The following IST1 variants were observed in gnomAD, a reference collection of about 807,000 sequenced individuals.
IST1 encodes the protein IST1 homolog.
Under a neutral mutation model 37.0 loss-of-function variants are expected in IST1, and 23 were observed. The ratio of observed to expected loss-of-function variants is 0.62; its 90% CI spans 0.45 to 0.88. The LOEUF (loss-of-function observed/expected upper bound fraction) is 0.88. Ranked by LOEUF, IST1 falls within the 40% of genes least tolerant of loss-of-function variation. IST1 has a pLI of 0.00. For missense variants in IST1, 488 were observed against 445.4 expected (o/e 1.10, Z -0.86); for synonymous variants, 180 against 161.7 (o/e 1.11, Z -0.86).
chr16:71,900,260 T>C (rs2037075380), intron 1 of IST1, among the ~76,000 whole-genome samples: 1 of 151,430 alleles, frequency 6.6e-6, no homozygotes, highest in Non-Finnish European at 1.5e-5. Context: ...AGTCTTGACC[T>C]TGCTCTCTCC....
chr16:71,894,913 G>T, upstream of IST1: 5 of 1,234,002 alleles, frequency 4.1e-6, no homozygotes, highest in Non-Finnish European at 5.7e-6. Flanking sequence ...GAAATCGCCA[G>T]AGACTGTGGT....
intron 7 of IST1, 110 bp from the exon 8 acceptor site, chr16:71,923,178 T>C: frequency 1.8e-6 from 1 of 553,156 alleles, no homozygotes; most frequent in Non-Finnish European, 3.2e-6. Context: ...AATATTTATA[T>C]ATATTTAGTA....
At chr16:71,912,656 T>G (rs1443308706) in intron 1 of IST1, among the ~76,000 whole-genome samples, 1 of 152,236 alleles carries the variant, frequency 6.6e-6, no homozygotes, top group Non-Finnish European at 1.5e-5. Context: ...TGCCTGTTTC[T>G]AAGTGTAGAG....
intron 4 of IST1, among the ~76,000 whole-genome samples, chr16:71,920,318 C>T (rs1326694788): frequency 2.6e-5 from 4 of 152,116 alleles, no homozygotes; most frequent in East Asian, 1.9e-4. Context: ...ACATAGGATA[C>T]GGCTTAACAA....
chr16:71,915,150 T>C (rs1349336557), intron 1 of IST1, among the ~76,000 whole-genome samples: 1 of 152,116 alleles, frequency 6.6e-6, no homozygotes, highest in Non-Finnish European at 1.5e-5. Flanking sequence ...AAGATGAAAA[T>C]ATTTTCAATT....
At chr16:71,926,825 A>G (rs2037755909) in intron 9 of IST1, among the ~76,000 whole-genome samples, 1 of 152,126 alleles carries the variant, frequency 6.6e-6, no homozygotes. Context: ...AAGGAAACAT[A>G]CAGTAGATGT....
Position 71,923,399 on chromosome 16 carries a change from T to C in IST1, c.852+19T>C. The C allele has an allele frequency of 6.7e-7, 1 of 1,487,072 alleles. No homozygotes were observed. 92.1% of individuals were successfully genotyped at this position (1,487,072 alleles called of 1,614,324 possible). ...TGAATCTGTAAGTGCCTGAGCCTCT[T>C]TTATAAGCAACAGGAGAGTGAATGC... is the stretch of plus-strand genomic sequence containing the variant. On this transcript the variant is annotated intron_variant, in intron 8 of 9. Transcript: ENST00000378799.
chr16:71,900,327 C>CTTTTTTTTTTT (rs201344260), intron 1 of IST1, among the ~76,000 whole-genome samples: 11 of 100,508 alleles, frequency 1.1e-4, no homozygotes, highest in Middle Eastern at 5.6e-3. Context: ...CTTAGGAAGT[C>CTTTTTTTTTTT]TTTTTTTTTT....
In IST1 at chr16:71,929,742, A is replaced by G; in HGVS notation, c.*1929A>G. ...GAAATTACTGCTAATAGTGGAGTAA[A>G]AAAAGTACCAAAGATTTTTAAAAAA... On this transcript the variant is annotated 3_prime_UTR_variant, in exon 10 of 10. Coordinates refer to ENST00000378799, the MANE Select transcript of IST1 (RefSeq NM_001270975.2). 1.2e-5 allele frequency: 17 copies of G among 1,374,122 alleles called. No homozygotes were observed. The highest frequency in any genetic ancestry group is 1.5e-5 in the African/African-American group (1 of 67,698). The allele number at this position is 1,374,122 out of a possible 1,614,324, so 85.1% of individuals were successfully genotyped here. A position where few individuals can be genotyped will look rare whatever the true frequency, so the allele number is the denominator to read the frequency against.
At chr16:71,915,176 A>G (rs1333466109) in intron 1 of IST1, among the ~76,000 whole-genome samples, 1 of 152,142 alleles carries the variant, frequency 6.6e-6, no homozygotes, top group Non-Finnish European at 1.5e-5. Flanking sequence ...TCTAAATTTA[A>G]TCATCTTCCC....
At chr16:71,895,672 T>A (rs1048734768) in intron 1 of IST1, 83 bp downstream of exon 1, 7 of 513,868 alleles carry the variant, frequency 1.4e-5, no homozygotes, top group Non-Finnish European at 1.8e-5. Context: ...TAGTTAGCGC[T>A]AGGGCCCGGG....
intron 4 of IST1, among the ~76,000 whole-genome samples, chr16:71,920,118 A>T (rs2037547188): frequency 6.6e-6 from 1 of 152,226 alleles, no homozygotes; most frequent in Admixed American, 6.5e-5. Flanking sequence ...AAAGTTTTTA[A>T]AATAGATATA....
At chr16:71,901,212 G>C (rs1425360192) in intron 1 of IST1, among the ~76,000 whole-genome samples, 3 of 151,874 alleles carry the variant, frequency 2.0e-5, no homozygotes, top group African/African-American at 4.8e-5. Flanking sequence ...TCAGTCTTTT[G>C]GTTTTTTTTC....
chr16:71,902,522 G>A (rs373679059), intron 1 of IST1, among the ~76,000 whole-genome samples: 1 of 152,116 alleles, frequency 6.6e-6, no homozygotes, highest in African/African-American at 2.4e-5. Context: ...TGCCCGCCTC[G>A]GCTTCCCAAA....
intron 1 of IST1, among the ~76,000 whole-genome samples, chr16:71,911,056 A>T (rs1478316465): frequency 6.6e-6 from 1 of 152,124 alleles, no homozygotes; most frequent in Non-Finnish European, 1.5e-5. Context: ...CGTGTCCAAC[A>T]TGGTGAAACC....
At position 71,922,687 on chromosome 16, in the gene IST1, A is replaced by C; in HGVS notation, c.759+7A>C. 1 of 776,986 alleles carries C rather than the reference A, an allele frequency of 1.3e-6. No homozygotes were observed. The highest frequency in any genetic ancestry group is 1.6e-6 in the Non-Finnish European group (1 of 621,790). The allele number at this position is 776,986 out of a possible 1,614,324, so 48.1% of individuals were successfully genotyped here. A position where few individuals can be genotyped will look rare whatever the true frequency, so the allele number is the denominator to read the frequency against. On this transcript the variant is annotated splice_region_variant and intron_variant, in intron 7 of 9. Transcript: ENST00000378799. The stretch of plus-strand genomic sequence containing the variant: ...TCCACTGCCAAAGGGACCAGTAAGT[A>C]TATATAAGTGTGGATGTAAGCTTTA...
intron 1 of IST1, among the ~76,000 whole-genome samples, chr16:71,896,237 T>C (rs1008211193): frequency 2.0e-5 from 3 of 151,418 alleles, no homozygotes; most frequent in Admixed American, 6.6e-5. Context: ...CTCGGTGCTC[T>C]TCTTCCGGGG....
intron 1 of IST1, among the ~76,000 whole-genome samples, chr16:71,897,172 CTTT>C (rs35671031): frequency 3.1e-5 from 2 of 65,524 alleles, no homozygotes; most frequent in Admixed American, 2.0e-4. Flanking sequence ...CCACGCCTGG[CTTT>C]TTTTTTTTTT....
chr16:71,927,170 T>C (rs989250256), intron 9 of IST1, among the ~76,000 whole-genome samples: 4 of 152,196 alleles, frequency 2.6e-5, no homozygotes, highest in African/African-American at 9.7e-5. Flanking sequence ...AATGTAGATA[T>C]TAACTGTCAT....
Sources: allele counts gnomAD v4.1 joint callset (sites outside exome capture counted in the v4.1 genomes callset), GRCh38; gene constraint gnomAD v4.1.1; transcripts MANE v1.5; gene names NCBI Gene and HGNC (gene_info 2026-07-23, HGNC 2026-07-21).